CDH13: variants seen among roughly 807,000 people sequenced by gnomAD.
CDH13 encodes the protein cadherin-13.
CDH13 carries 24 observed loss-of-function variants against 63.8 expected under a neutral mutation model. That is an observed-to-expected ratio of 0.38 (90% confidence interval 0.27 to 0.53). The LOEUF (loss-of-function observed/expected upper bound fraction) is 0.53, where lower values mean the gene tolerates loss of function less well. Among genes scored for constraint, CDH13 ranks in the 20% least tolerant of loss-of-function variants. CDH13 has a pLI of 0.85. For missense variants in CDH13, 1,049 were observed against 903.1 expected, an observed-to-expected ratio of 1.16 and a Z score of -2.07; for synonymous variants, 503 against 355.3, an observed-to-expected ratio of 1.42 and a Z score of -4.67.
At chr16:83,470,992 C>T (rs1462134424) in intron 6 of CDH13, among the ~76,000 whole-genome samples, 3 of 152,136 alleles carry the variant, frequency 2.0e-5, no homozygotes, top group Non-Finnish European at 4.4e-5. Flanking sequence ...CTCCTTGGCT[C>T]CTGACGCCTT....
At chr16:83,549,262 C>G (rs1443193000) in intron 7 of CDH13, among the ~76,000 whole-genome samples, 2 of 152,186 alleles carry the variant, frequency 1.3e-5, no homozygotes, top group Admixed American at 6.5e-5. Flanking sequence ...GAGAAAACAT[C>G]CCACTCTCCA....
intron 4 of CDH13, among the ~76,000 whole-genome samples, chr16:83,130,981 C>T (rs1273997036): frequency 6.6e-6 from 1 of 152,162 alleles, no homozygotes; most frequent in African/African-American, 2.4e-5. Context: ...GTTATTCAGG[C>T]AGCTCCAGGG....
At chr16:83,328,217 A>G (rs1377841727) in intron 5 of CDH13, among the ~76,000 whole-genome samples, 4 of 152,092 alleles carry the variant, frequency 2.6e-5, no homozygotes, top group African/African-American at 7.2e-5. Flanking sequence ...AGAATGGCAG[A>G]GGGATTTATA....
intron 5 of CDH13, among the ~76,000 whole-genome samples, chr16:83,321,435 AT>A (rs1307166179): frequency 6.7e-6 from 1 of 149,032 alleles, no homozygotes; most frequent in African/African-American, 2.5e-5. Flanking sequence ...CTACACAGTT[AT>A]TTTTCATGCA....
intron 6 of CDH13, among the ~76,000 whole-genome samples, chr16:83,364,094 T>C (rs961748381): frequency 6.6e-6 from 1 of 152,234 alleles, no homozygotes; most frequent in Admixed American, 6.5e-5. Context: ...TAACATGTTA[T>C]ATAAATGTCA....
intron 6 of CDH13, among the ~76,000 whole-genome samples, chr16:83,473,850 C>G (rs1373896079): frequency 6.6e-6 from 1 of 152,046 alleles, no homozygotes; most frequent in Non-Finnish European, 1.5e-5. Context: ...CTTTACCTCC[C>G]TGGGCCTCAG....
intron 9 of CDH13, among the ~76,000 whole-genome samples, chr16:83,671,616 G>A (rs533556986): frequency 5.3e-5 from 8 of 152,324 alleles, no homozygotes; most frequent in African/African-American, 1.9e-4. Flanking sequence ...ATGCCAAAAT[G>A]AGATGTGTGA....
intron 1 of CDH13, among the ~76,000 whole-genome samples, chr16:82,705,620 A>G (rs1412623017): frequency 6.6e-6 from 1 of 151,986 alleles, no homozygotes; most frequent in Non-Finnish European, 1.5e-5. Context: ...TTTGGTAGGG[A>G]CACATTTCAC....
At chr16:83,793,812 TA>T (rs201145847) in intron 13 of CDH13, among the ~76,000 whole-genome samples, 54,559 of 142,150 alleles carry the variant, frequency 0.38, 10,756 homozygotes, top group East Asian at 0.71. Context: ...ACTCTGTCTC[TA>T]AAAAAAAAAA....
intron 8 of CDH13, among the ~76,000 whole-genome samples, chr16:83,637,244 A>G (rs1034882225): frequency 1.4e-5 from 2 of 142,224 alleles, no homozygotes; most frequent in Admixed American, 1.4e-4. Context: ...GAAAAATTTA[A>G]CAGATCTCGG....
At chr16:83,042,474 C>T (rs1567774217) in intron 3 of CDH13, among the ~76,000 whole-genome samples, 3 of 152,032 alleles carry the variant, frequency 2.0e-5, no homozygotes, top group African/African-American at 2.4e-5. Flanking sequence ...CGCAGGAAAA[C>T]AAGCTGAGGG....
chr16:82,923,560 C>T (rs1311274529), intron 2 of CDH13, among the ~76,000 whole-genome samples: 1 of 152,160 alleles, frequency 6.6e-6, no homozygotes, highest in East Asian at 1.9e-4. Flanking sequence ...AGTGGGGCAT[C>T]AGACAAACCA....
chr16:83,327,929 G>T (rs183922132), intron 5 of CDH13, among the ~76,000 whole-genome samples: 1 of 152,118 alleles, frequency 6.6e-6, no homozygotes, highest in African/African-American at 2.4e-5. Context: ...TCAGGAGATC[G>T]AGACCATCCT....
At chr16:83,610,734 A>G (rs544076030) in intron 8 of CDH13, among the ~76,000 whole-genome samples, 11 of 152,254 alleles carry the variant, frequency 7.2e-5, no homozygotes, top group African/African-American at 2.6e-4. Context: ...CATTTGGGTT[A>G]TTTCCAGTTT....
intron 2 of CDH13, among the ~76,000 whole-genome samples, chr16:82,874,977 C>A (rs1336033957): frequency 6.6e-6 from 1 of 152,104 alleles, no homozygotes; most frequent in Non-Finnish European, 1.5e-5. Flanking sequence ...GACATGGAGG[C>A]CATGGGCTAG....
At chr16:83,362,585 G>A (rs887065571) in intron 6 of CDH13, among the ~76,000 whole-genome samples, 1 of 152,116 alleles carries the variant, frequency 6.6e-6, no homozygotes, top group Non-Finnish European at 1.5e-5. Flanking sequence ...GGGTATTACT[G>A]TCTCCATGTT....
At chr16:82,664,062 T>C (rs1329473918) in intron 1 of CDH13, among the ~76,000 whole-genome samples, 2 of 152,218 alleles carry the variant, frequency 1.3e-5, no homozygotes, top group Admixed American at 1.3e-4. Context: ...TCTGCGGAAA[T>C]ATTACTTACT....
chr16:83,470,824 G>A (rs71402080), intron 6 of CDH13, among the ~76,000 whole-genome samples: 16,594 of 152,188 alleles, frequency 0.11, 995 homozygotes, highest in Non-Finnish European at 0.13. Flanking sequence ...ACATATTTAT[G>A]GTTTAAAATG....
chr16:83,211,442 A>C (rs2039334177), intron 4 of CDH13, among the ~76,000 whole-genome samples: 1 of 152,236 alleles, frequency 6.6e-6, no homozygotes, highest in African/African-American at 2.4e-5. Context: ...TGTATAATTC[A>C]TATATAATGA....
Sources: gnomAD v4.1 joint callset for allele counts (sites outside exome capture counted in the v4.1 genomes callset) on GRCh38, gnomAD v4.1.1 for gene constraint, MANE v1.5 for transcripts, NCBI Gene and HGNC (gene_info 2026-07-23, HGNC 2026-07-21) for gene names.